The following CAV1 variants were observed in gnomAD, a reference collection of about 807,000 sequenced individuals.
The protein encoded by CAV1 is caveolin 1.
In CAV1, 10 loss-of-function variants were observed where a neutral mutation model predicts 16.5. The ratio of observed to expected loss-of-function variants is 0.61; its 90% CI spans 0.37 to 1.03. The LOEUF is 1.03. CAV1 is among the 50% of genes least tolerant of loss of function. The pLI, the probability that CAV1 is intolerant of heterozygous loss-of-function variation, is 0.01. For missense variants in CAV1, 212 were observed against 232.8 expected, an observed-to-expected ratio of 0.91 and a Z score of 0.58; for synonymous variants, 76 against 85.1, an observed-to-expected ratio of 0.89 and a Z score of 0.59.
intron 2 of CAV1, among the ~76,000 whole-genome samples, chr7:116,534,393 A>ATTTTTTTTTTTTTTT (rs1451265934): frequency 1.5e-4 from 1 of 6,884 alleles, no homozygotes; most frequent in Non-Finnish European, 2.7e-4. Flanking sequence ...ATATATATAT[A>ATTTTTTTTTTTTTTT]TATTTTTTTT....
chr7:116,525,694 C>G lies in CAV1; in HGVS notation c.30+602C>G, dbSNP rs1793542433. On this transcript the variant is annotated intron_variant, in intron 1 of 2. Transcript: ENST00000341049. The stretch of plus-strand genomic sequence containing the variant: ...ACCATCACTTCCAACGCCCTCCACG[C>G]GCTGGAGCTCTGCCCGGGTGTGGAA... 3.1e-5 allele frequency: 34 copies of G among 1,081,716 alleles called. No individual in the cohort carries two copies. In the South Asian group the frequency reaches 9.4e-4, roughly 30 times the overall value. The allele number at this position is 1,081,716 out of a possible 1,614,324, so 67.0% of individuals were successfully genotyped here. A position where few individuals can be genotyped will look rare whatever the true frequency, so the allele number is the denominator to read the frequency against.
chr7:116,555,448 A>AAAGGAAGG (rs113043378), intron 2 of CAV1, among the ~76,000 whole-genome samples: 4 of 37,404 alleles, frequency 1.1e-4, no homozygotes, highest in African/African-American at 2.7e-4. Context: ...CCAAAAAAAG[A>AAAGGAAGG]AAGGAAGGAA....
At chr7:116,547,748 C>G (rs1794083808) in intron 2 of CAV1, among the ~76,000 whole-genome samples, 1 of 152,194 alleles carries the variant, frequency 6.6e-6, no homozygotes, top group African/African-American at 2.4e-5. Flanking sequence ...CTCTCCACTT[C>G]CGGTTGAGAC....
chr7:116,553,190 A>C (rs1794197838), intron 2 of CAV1, among the ~76,000 whole-genome samples: 1 of 152,180 alleles, frequency 6.6e-6, no homozygotes, highest in African/African-American at 2.4e-5. Context: ...TATTTTAAAA[A>C]TCCTGTGCAC....
intron 2 of CAV1, among the ~76,000 whole-genome samples, chr7:116,535,822 A>G (rs1251376554): frequency 2.6e-5 from 4 of 152,226 alleles, no homozygotes; most frequent in East Asian, 1.9e-4. Flanking sequence ...ACATATTCCT[A>G]AAGACACAAC....
intron 2 of CAV1, 115 bp downstream of exon 2, chr7:116,526,804 G>GCACACACA: frequency 3.0e-6 from 3 of 1,011,920 alleles, no homozygotes; most frequent in Non-Finnish European, 4.4e-6. Context: ...CCCTACACGC[G>GCACACACA]CACACACACA....
chr7:116,534,142 C>T (rs1049977368), intron 2 of CAV1, among the ~76,000 whole-genome samples: 12 of 151,600 alleles, frequency 7.9e-5, no homozygotes, highest in South Asian at 2.1e-4. Flanking sequence ...CGCTTTAACC[C>T]GGGAGGCAGA....
chr7:116,534,647 G>A (rs1030822800), intron 2 of CAV1, among the ~76,000 whole-genome samples: 4 of 151,242 alleles, frequency 2.6e-5, no homozygotes, highest in East Asian at 2.0e-4. Context: ...TGATCCGCTC[G>A]CCTCGGCCTC....
At chr7:116,542,728 C>T (rs10270569) in intron 2 of CAV1, 34,582 of 152,186 alleles carry the variant, frequency 0.23, 4,270 homozygotes, top group Middle Eastern at 0.3. Flanking sequence ...GTGGTTCCTT[C>T]CTTTCCTTTG....
At chr7:116,548,291 C>A (rs187782698) in intron 2 of CAV1, among the ~76,000 whole-genome samples, 1 of 152,146 alleles carries the variant, frequency 6.6e-6, no homozygotes, top group African/African-American at 2.4e-5. Context: ...ATAAGGGGAA[C>A]GTACAATGTT....
In CAV1 at chr7:116,561,124, C is replaced by T. The variant is rs538550256; in HGVS notation, c.*1837C>T. ...ACTGATATATTTTACAATTTTTTAT[C>T]ATGCATGTCCTGTAAAGGTTACAAG... is the stretch of plus-strand genomic sequence containing the variant. On this transcript the variant is annotated 3_prime_UTR_variant, in exon 3 of 3. Transcript: ENST00000341049. 5.2e-5 allele frequency: 8 copies of T among 152,618 alleles called. No homozygotes were observed. Among genetic ancestry groups the T allele is most frequent in the African/African-American group, 1.7e-4 (7 of 41,546 alleles). 9.5% of individuals were successfully genotyped at this position (152,618 alleles called of 1,614,324 possible). A position where few individuals can be genotyped will look rare whatever the true frequency, so the allele number is the denominator to read the frequency against.
At chr7:116,526,889 A>C (rs1793576333) in intron 2 of CAV1, 200 bp downstream of exon 2, 9 of 610,800 alleles carry the variant, frequency 1.5e-5, no homozygotes, top group East Asian at 5.9e-5. Flanking sequence ...CCCTTCCCCC[A>C]TCTCCCCCCA....
Position 116,560,438 on chromosome 7 carries a change from C to T in CAV1, c.*1151C>T, listed in dbSNP as rs968279292. ...TGAGCCTATCAGAGTTGCTGCAAACCTGACCCCTGCTCAGTAAAGCACTTG... is the reference window on the plus strand; with the variant it reads ...TGAGCCTATCAGAGTTGCTGCAAACTTGACCCCTGCTCAGTAAAGCACTTG... On this transcript the variant is annotated 3_prime_UTR_variant, in exon 3 of 3. Coordinates refer to ENST00000341049, the MANE Select transcript of CAV1 (RefSeq NM_001753.5). 2 of 152,188 alleles carry T rather than the reference C, an allele frequency of 1.3e-5. No individual in the cohort carries two copies. The highest frequency in any genetic ancestry group is 2.9e-5 in the Non-Finnish European group (2 of 68,056). The allele number at this position is 152,188 out of a possible 1,614,324, so 9.4% of individuals were successfully genotyped here. A position where few individuals can be genotyped will look rare whatever the true frequency, so the allele number is the denominator to read the frequency against.
At chr7:116,534,387 A>AT (rs1196588254) in intron 2 of CAV1, among the ~76,000 whole-genome samples, 76 of 9,194 alleles carry the variant, frequency 8.3e-3, no homozygotes, top group African/African-American at 0.021. Flanking sequence ...ATATATATAT[A>AT]TATATATATT....
At chr7:116,534,360 C>CAGATAGAT (rs1562829814) in intron 2 of CAV1, among the ~76,000 whole-genome samples, 2 of 78,908 alleles carry the variant, frequency 2.5e-5, no homozygotes, top group South Asian at 1.1e-3. Flanking sequence ...GGGCCCACCT[C>CAGATAGAT]AGATATATAT....
intron 2 of CAV1, chr7:116,551,814 A>T (rs9886219): frequency 0.18 from 27,979 of 151,936 alleles, 2,928 homozygotes; most frequent in African/African-American, 0.27. Context: ...CTGGGGAAAG[A>T]TCCATGTCTA....
chr7:116,530,649 G>A (rs1329898443), intron 2 of CAV1, among the ~76,000 whole-genome samples: 1 of 152,124 alleles, frequency 6.6e-6, no homozygotes, highest in Non-Finnish European at 1.5e-5. Flanking sequence ...CATTCTAAAC[G>A]AGCCAGGCAT....
intron 2 of CAV1, among the ~76,000 whole-genome samples, chr7:116,554,889 T>C (rs1446255091): frequency 1.3e-5 from 2 of 152,196 alleles, no homozygotes; most frequent in Non-Finnish European, 2.9e-5. Flanking sequence ...ATCTCAGGAA[T>C]ACAAAGGCAA....
intron 1 of CAV1, chr7:116,525,324 G>A: frequency 6.5e-7 from 1 of 1,548,594 alleles, no homozygotes; most frequent in East Asian, 2.5e-5. Context: ...CCTGAGCTAG[G>A]AGGACACGGA....
Sources: gnomAD v4.1 joint callset for allele counts (sites outside exome capture counted in the v4.1 genomes callset) on GRCh38, gnomAD v4.1.1 for gene constraint, MANE v1.5 for transcripts, NCBI Gene and HGNC (gene_info 2026-07-23, HGNC 2026-07-21) for gene names.